GNB4: variants seen among roughly 807,000 people sequenced by gnomAD.
The protein encoded by GNB4 is guanine nucleotide-binding protein subunit beta-4.
A neutral mutation model predicts 45.2 loss-of-function variants in GNB4; 28 were observed. The ratio of observed to expected loss-of-function variants is 0.62; its 90% CI spans 0.46 to 0.85. The LOEUF is 0.85. GNB4 is among the 40% of genes least tolerant of loss of function. GNB4 has a pLI of 0.00. For missense variants in GNB4, 321 were observed against 425.4 expected (o/e 0.75, Z 2.16); for synonymous variants, 132 against 143.7 (o/e 0.92, Z 0.58).
chr3:179,465,190 T>C, the GNB4 span: 1 of 1,309,656 alleles, frequency 7.6e-7, no homozygotes, highest in Non-Finnish European at 1.1e-6. Context: ...TTCATGATCC[T>C]GTAACTGCCA....
the GNB4 span, among the ~76,000 whole-genome samples, chr3:179,527,463 A>G: frequency 1.3e-5 from 2 of 152,326 alleles, no homozygotes; most frequent in Non-Finnish European, 2.9e-5. Flanking sequence ...AATGATATTT[A>G]TTTAGCAATT....
chr3:179,466,701 C>T, the GNB4 span, among the ~76,000 whole-genome samples: 1 of 152,176 alleles, frequency 6.6e-6, no homozygotes, highest in African/African-American at 2.4e-5. Flanking sequence ...AAATGACTGA[C>T]TTCCTGCATG....
rs768516304 is a variant in GNB4, at chr3:179,419,351, A to G, written c.203+48T>C. On this transcript the variant is annotated intron_variant, in intron 4 of 9. Transcript: ENST00000232564. ...AATGCAAATGATGGTTCTTAATGAA[A>G]ATAATTCTGCAACAGTTTAAAAATG... 1.2e-5 allele frequency: 13 copies of G among 1,126,228 alleles called. No individual in the cohort carries two copies. The South Asian group carries it at 1.6e-4, about 14-fold the overall frequency. The allele number at this position is 1,126,228 out of a possible 1,614,324, so 69.8% of individuals were successfully genotyped here. A position where few individuals can be genotyped will look rare whatever the true frequency, so the allele number is the denominator to read the frequency against.
At chr3:179,506,497 G>C in the GNB4 span, among the ~76,000 whole-genome samples, 1 of 152,136 alleles carries the variant, frequency 6.6e-6, no homozygotes, top group Admixed American at 6.5e-5. Context: ...ACAAACAAAA[G>C]GGAGGAGAAA....
rs1411785850 is a variant in GNB4 at position 179,405,260 on chromosome 3, C to A, written c.846G>T (p.Gly282=). The part of the protein sequence containing the change: ...GITSVAFSKS[G]RLLLAGYDDF... ...CATCGTAACCAGCCAACAAGAGACG[C>A]CCACTTTTTGAGAAGGCTACAGAAG... Residue 282 remains glycine, a synonymous_variant, in exon 9 of 10, where the codon GGG becomes GGT. Coordinates refer to ENST00000232564, the MANE Select transcript of GNB4 (RefSeq NM_021629.4). 2 of 1,614,056 alleles carry A rather than the reference C, an allele frequency of 1.2e-6. No individual in the cohort carries two copies. The highest frequency in any genetic ancestry group is 2.2e-5 in the East Asian group (1 of 44,892).
rs879100241 is a variant in GNB4 at position 179,401,315 on chromosome 3, G to A, written c.921C>T (p.Val307=). Residue 307 remains valine, a synonymous_variant, in exon 10 of 10, where the codon GTC becomes GTT. Coordinates refer to ENST00000232564, the MANE Select transcript of GNB4 (RefSeq NM_021629.4). ...TCACACGGTTGTCATGACCAGCAAG[G>A]ACACCTGAAAAAAAAATTCAGTAAA... ...WDTLKGDRAG[V]LAGHDNRVSC... The A allele has an allele frequency of 1.2e-6, 2 of 1,603,760 alleles. No individual in the cohort carries two copies. The highest frequency in any genetic ancestry group is 1.7e-6 in the Non-Finnish European group (2 of 1,175,044).
At chr3:179,494,277 G>GAGAA in the GNB4 span, among the ~76,000 whole-genome samples, 23 of 142,984 alleles carry the variant, frequency 1.6e-4, no homozygotes, top group East Asian at 4.1e-4. Flanking sequence ...AAGAAAGAAA[G>GAGAA]AGAAAGAAAG....
the GNB4 span, among the ~76,000 whole-genome samples, chr3:179,507,304 G>A: frequency 6.6e-6 from 1 of 151,952 alleles, no homozygotes; most frequent in Non-Finnish European, 1.5e-5. Context: ...AGATTCCGAT[G>A]ATATTATCAC....
the GNB4 span, among the ~76,000 whole-genome samples, chr3:179,518,669 G>T: frequency 6.6e-6 from 1 of 152,118 alleles, no homozygotes; most frequent in South Asian, 2.1e-4. Context: ...CTCTTAAAAA[G>T]GTGGCTGGAG....
At chr3:179,409,317 C>T (rs1714574614) in intron 8 of GNB4, among the ~76,000 whole-genome samples, 1 of 150,110 alleles carries the variant, frequency 6.7e-6, no homozygotes, top group African/African-American at 2.5e-5. Context: ...TCGAGACCAG[C>T]CTGACCACAT....
At chr3:179,507,606 G>C in the GNB4 span, among the ~76,000 whole-genome samples, 2 of 152,120 alleles carry the variant, frequency 1.3e-5, no homozygotes, top group Admixed American at 6.5e-5. Flanking sequence ...CCCTCTGCCT[G>C]GAGTGCTCTT....
At chr3:179,508,932 G>GTGTGTGTATA in the GNB4 span, among the ~76,000 whole-genome samples, 2 of 102,170 alleles carry the variant, frequency 2.0e-5, no homozygotes, top group African/African-American at 9.3e-5. Flanking sequence ...TTCAGCATGT[G>GTGTGTGTATA]TATATATATA....
the GNB4 span, among the ~76,000 whole-genome samples, chr3:179,515,656 G>A: frequency 6.6e-6 from 1 of 152,056 alleles, no homozygotes; most frequent in Non-Finnish European, 1.5e-5. Context: ...AGGTCACAGG[G>A]GATATGATGG....
At position 179,400,628 on chromosome 3, in the gene GNB4, A is replaced by G. The variant is rs1714265192; in HGVS notation, c.*585T>C. The stretch of plus-strand genomic sequence containing the variant: ...GGACTGAAAGCAAGCACTTTGATTA[A>G]TAGTATATGGCAAATGATGCATGAG... On this transcript the variant is annotated 3_prime_UTR_variant, in exon 10 of 10. Transcript: ENST00000232564. 1 of 152,210 alleles carries G rather than the reference A, an allele frequency of 6.6e-6. No individual in the cohort carries two copies. The highest frequency in any genetic ancestry group is 6.5e-5 in the Admixed American group (1 of 15,282). 9.4% of individuals were successfully genotyped at this position (152,210 alleles called of 1,614,324 possible).
chr3:179,520,721 A>G, the GNB4 span, among the ~76,000 whole-genome samples: 1 of 152,064 alleles, frequency 6.6e-6, no homozygotes, highest in African/African-American at 2.4e-5. Context: ...CCGGCCTCCC[A>G]CATTATTCCT....
At chr3:179,456,181 A>T (rs73172225), upstream of GNB4, among the ~76,000 whole-genome samples, 19,356 of 147,488 alleles carry the variant, frequency 0.13, 1,349 homozygotes, top group Admixed American at 0.19. Flanking sequence ...GCGCAATCTC[A>T]GCTCATTGCA....
chr3:179,409,484 C>G (rs1421212028), intron 8 of GNB4, among the ~76,000 whole-genome samples: 1 of 150,538 alleles, frequency 6.6e-6, no homozygotes, highest in Admixed American at 6.7e-5. Context: ...TGCACTCCAG[C>G]CTGGGCAACA....
At chr3:179,402,842 T>C (rs1714342160) in intron 9 of GNB4, among the ~76,000 whole-genome samples, 1 of 152,148 alleles carries the variant, frequency 6.6e-6, no homozygotes, top group African/African-American at 2.4e-5. Context: ...AGCCCCCAGG[T>C]GTCCCCTTCC....
intron 1 of GNB4, among the ~76,000 whole-genome samples, chr3:179,448,772 A>C (rs1161588744): frequency 6.6e-6 from 1 of 152,104 alleles, no homozygotes; most frequent in Non-Finnish European, 1.5e-5. Flanking sequence ...ACGCTTCCTC[A>C]AGGTGAGGTA....
Sources: allele counts gnomAD v4.1 joint callset (sites outside exome capture counted in the v4.1 genomes callset), GRCh38; gene constraint gnomAD v4.1.1; transcripts MANE v1.5; gene names NCBI Gene and HGNC (gene_info 2026-07-23, HGNC 2026-07-21).